The following KLF13 variants were observed in gnomAD, a reference collection of about 807,000 sequenced individuals.
KLF13 encodes Krueppel-like factor 13.
In KLF13, 8 loss-of-function variants were observed where a neutral mutation model predicts 16.7. The ratio of observed to expected loss-of-function variants is 0.48; its 90% CI spans 0.28 to 0.87. KLF13 has a LOEUF of 0.87. Ranked by LOEUF, KLF13 falls within the 40% of genes least tolerant of loss-of-function variation. The probability of loss-of-function intolerance (pLI) is 0.10; values close to 1 mark genes in which losing one functional copy is unlikely to be tolerated. For synonymous variants in KLF13, 245 were observed against 208.4 expected (o/e 1.18, Z -1.51); for missense variants, 447 against 452.2 (o/e 0.99, Z 0.10).
intron 1 of KLF13, among the ~76,000 whole-genome samples, chr15:31,362,912 A>T (rs1441057401): frequency 1.3e-5 from 2 of 152,198 alleles, no homozygotes; most frequent in Non-Finnish European, 2.9e-5. Flanking sequence ...GTTCTGTTAT[A>T]TGTGCGTTCC....
In KLF13 at chr15:31,327,019, C is replaced by A. The variant is rs1351306599; in HGVS notation, c.-194C>A. Reference sequence around the variant, plus strand: ...CATGCGCTCACTCTTCGGTGCCCGGCCGGGCCGGCGCCTCGCAGACGCGGA... The same window carrying A: ...CATGCGCTCACTCTTCGGTGCCCGGACGGGCCGGCGCCTCGCAGACGCGGA... On this transcript the variant is annotated 5_prime_UTR_variant, in exon 1 of 2. Transcript: ENST00000307145. 4 of 286,934 alleles carry A rather than the reference C, an allele frequency of 1.4e-5. No individual in the cohort carries two copies. Among genetic ancestry groups the A allele is most frequent in the East Asian group, 2.8e-4 (2 of 7,080 alleles). 17.8% of individuals were successfully genotyped at this position (286,934 alleles called of 1,614,324 possible).
rs773950563 is a variant in KLF13 at position 31,372,180 on chromosome 15, G to A, written c.748G>A (p.Ala250Thr). Residue 250 changes from alanine (A) to threonine (T), a missense_variant, in exon 2 of 2, where the codon GCC (alanine) becomes ACC (threonine). This residue lies in a region of KLF13 where 88 missense variants were observed against 169.5 expected (regional missense o/e 0.52). Coordinates refer to ENST00000307145, the MANE Select transcript of KLF13 (RefSeq NM_015995.4). Reference protein sequence around the residue: ...DHLTKHARRHANFHPGMLQRR... With the variant: ...DHLTKHARRHTNFHPGMLQRR... The stretch of plus-strand genomic sequence containing the variant: ...CCTGACCAAGCACGCGCGCCGCCAC[G>A]CCAACTTCCACCCGGGAATGCTGCA... 32 of 1,611,358 alleles carry A rather than the reference G, an allele frequency of 2.0e-5. No individual in the cohort carries two copies. In the Admixed American group the frequency reaches 2.0e-4, roughly 10 times the overall value.
chr15:31,354,979 T>C (rs2039277355), intron 1 of KLF13, among the ~76,000 whole-genome samples: 1 of 152,166 alleles, frequency 6.6e-6, no homozygotes, highest in Non-Finnish European at 1.5e-5. Context: ...CATGACTTGG[T>C]ATTGGGAATT....
At chr15:31,333,885 G>A (rs1056350742) in intron 1 of KLF13, among the ~76,000 whole-genome samples, 2 of 152,324 alleles carry the variant, frequency 1.3e-5, no homozygotes, top group South Asian at 2.1e-4. Flanking sequence ...CCCGTGATCA[G>A]GTCTGGTTTA....
At position 31,426,841 on chromosome 15, in the gene KLF13, C is replaced by T. The variant is rs547531517; in HGVS notation, n.118-8529C>T. On this transcript the variant is annotated intron_variant and non_coding_transcript_variant, in intron 1 of 1. Coordinates refer to the KLF13 transcript ENST00000558225. ...GATCCACCCTCACTGTGGGCAGGCA[C>T]CCCAGGCAGCTGGGGTCTGGAAAGA... Among the ~76,000 whole-genome samples the T allele has an allele frequency of 2.6e-5, 4 of 152,254 alleles. No individual in the cohort carries two copies. In the South Asian group the frequency reaches 6.2e-4, roughly 24 times the overall value.
At chr15:31,330,731 C>G (rs1440689942) in intron 1 of KLF13, among the ~76,000 whole-genome samples, 2 of 152,226 alleles carry the variant, frequency 1.3e-5, no homozygotes, top group Admixed American at 1.3e-4. Flanking sequence ...ACACATTGGT[C>G]TCTGTCACAT....
downstream of KLF13, among the ~76,000 whole-genome samples, chr15:31,378,725 C>T (rs1174400212): frequency 6.6e-6 from 1 of 152,132 alleles, no homozygotes; most frequent in Non-Finnish European, 1.5e-5. Flanking sequence ...TTTTGAGACA[C>T]AGTCTCGCTG....
rs571310804 is a variant in KLF13, at chr15:31,338,005, A to G, written c.577+10216A>G. On this transcript the variant is annotated intron_variant, in intron 1 of 1. Coordinates refer to ENST00000307145, the MANE Select transcript of KLF13 (RefSeq NM_015995.4). Reference sequence around the variant, plus strand: ...GTGTAGAGCTGCTGTGTTGGCGAGCAGGTAGGTGGTTTTCCTGAATTACTG... The same window carrying G: ...GTGTAGAGCTGCTGTGTTGGCGAGCGGGTAGGTGGTTTTCCTGAATTACTG... Among the ~76,000 whole-genome samples, 124 of 151,416 alleles carry G rather than the reference A, an allele frequency of 8.2e-4. 1 individual carries two copies. Among genetic ancestry groups the G allele is most frequent in the Non-Finnish European group, 1.5e-3 (101 of 67,812 alleles).
downstream of KLF13, among the ~76,000 whole-genome samples, chr15:31,406,770 C>T (rs961090124): frequency 6.6e-5 from 10 of 152,094 alleles, no homozygotes; most frequent in Admixed American, 5.2e-4. Flanking sequence ...GTTTGTAGAC[C>T]TATATATTTT....
chr15:31,344,889 G>T (rs2140942295), intron 1 of KLF13, among the ~76,000 whole-genome samples: 1 of 152,306 alleles, frequency 6.6e-6, no homozygotes, highest in South Asian at 2.1e-4. Flanking sequence ...AGTGGGGAGG[G>T]AGGGGCCGCA....
intron 1 of KLF13, among the ~76,000 whole-genome samples, chr15:31,340,862 C>T (rs1278934318): frequency 6.6e-6 from 1 of 152,060 alleles, no homozygotes; most frequent in Non-Finnish European, 1.5e-5. Context: ...CGGGGAGATC[C>T]TATCTTAAAA....
chr15:31,335,420 ATT>A (rs2038911051), intron 1 of KLF13, among the ~76,000 whole-genome samples: 2 of 108,276 alleles, frequency 1.8e-5, no homozygotes, highest in Non-Finnish European at 3.5e-5. Flanking sequence ...GCTGTTGGGC[ATT>A]GTGTGTGTGT....
intron 1 of KLF13, among the ~76,000 whole-genome samples, chr15:31,357,375 G>T (rs1296570939): frequency 6.6e-6 from 1 of 152,216 alleles, no homozygotes; most frequent in Non-Finnish European, 1.5e-5. Flanking sequence ...TGCATTGTCT[G>T]CTGATCCTTG....
chr15:31,414,924 T>C (rs2040237785), intron 1 of KLF13, among the ~76,000 whole-genome samples: 1 of 152,150 alleles, frequency 6.6e-6, no homozygotes, highest in South Asian at 2.1e-4. Flanking sequence ...TGATCCACAA[T>C]GTTGGAAGTA....
At chr15:31,426,519 A>G (rs1332499364) in intron 1 of KLF13, among the ~76,000 whole-genome samples, 1 of 152,238 alleles carries the variant, frequency 6.6e-6, no homozygotes, top group Non-Finnish European at 1.5e-5. Flanking sequence ...GTAAAACGCA[A>G]CCTACAGAAT....
chr15:31,327,117 C>T lies in KLF13; in HGVS notation c.-96C>T. The T allele has an allele frequency of 1.9e-6, 2 of 1,038,424 alleles. No homozygotes were observed. Among genetic ancestry groups the T allele is most frequent in the South Asian group, 3.8e-5 (1 of 26,572 alleles). 64.3% of individuals were successfully genotyped at this position (1,038,424 alleles called of 1,614,324 possible). On this transcript the variant is annotated 5_prime_UTR_variant, in exon 1 of 2. Transcript: ENST00000307145. ...CCCAGCCCGAGGAGAGGGCGCGCCGCGCCCCCGCCCCCCGCCCGCTCTCCC... is the reference window on the plus strand; with the variant it reads ...CCCAGCCCGAGGAGAGGGCGCGCCGTGCCCCCGCCCCCCGCCCGCTCTCCC...
In KLF13 at chr15:31,373,479, CT is replaced by C; in HGVS notation, c.*1184del. 6.6e-6 allele frequency: 1 copy of C among 152,390 alleles called. No individual in the cohort carries two copies. Among genetic ancestry groups the C allele is most frequent in the Non-Finnish European group, 1.5e-5 (1 of 68,056 alleles). The allele number at this position is 152,390 out of a possible 1,614,324, so 9.4% of individuals were successfully genotyped here. ...GCCAGATAGAAAGTTGCGGGCAACACTTTTCTCAGACCCACCATGTCCCCAA... is the reference window on the plus strand; with the variant it reads ...GCCAGATAGAAAGTTGCGGGCAACACTTTCTCAGACCCACCATGTCCCCAA... On this transcript the variant is annotated 3_prime_UTR_variant, in exon 2 of 2. Transcript: ENST00000307145.
chr15:31,405,125 G>A (rs1358762570), downstream of KLF13, among the ~76,000 whole-genome samples: 1 of 152,184 alleles, frequency 6.6e-6, no homozygotes, highest in African/African-American at 2.4e-5. Context: ...TAGGTCATGC[G>A]AGCAGAGCTC....
intron 2 of KLF13, among the ~76,000 whole-genome samples, chr15:31,399,090 C>T (rs2039997436): frequency 6.6e-6 from 1 of 152,208 alleles, no homozygotes; most frequent in African/African-American, 2.4e-5. Context: ...AGAAGCAGAG[C>T]AGACTCCACT....
Sources: allele counts gnomAD v4.1 joint callset (sites outside exome capture counted in the v4.1 genomes callset), GRCh38; gene constraint gnomAD v4.1.1; regional missense constraint gnomAD v4.1.1; transcripts MANE v1.5; gene names NCBI Gene and HGNC (gene_info 2026-07-23, HGNC 2026-07-21).